P4HA3: variants seen among roughly 807,000 people sequenced by gnomAD.
P4HA3 encodes the protein prolyl 4-hydroxylase subunit alpha-3.
Under a neutral mutation model 66.7 loss-of-function variants are expected in P4HA3, and 60 were observed. The ratio of observed to expected loss-of-function variants is 0.90; its 90% CI spans 0.73 to 1.12. The LOEUF is 1.12. Ranked by LOEUF, P4HA3 falls within the 50% of genes most tolerant of loss-of-function variation. The pLI is 0.00. For missense variants in P4HA3, 683 were observed against 685.8 expected (o/e 1.00, Z 0.05); for synonymous variants, 263 against 274.6 (o/e 0.96, Z 0.42).
intron 15 of P4HA3, among the ~76,000 whole-genome samples, chr11:74,252,235 TTTTG>T (rs1259947320): frequency 7.0e-6 from 1 of 143,146 alleles, no homozygotes; most frequent in Non-Finnish European, 1.5e-5. Flanking sequence ...ACCCGGCTAA[TTTTG>T]TTTTTTTTTT....
chr11:74,253,409 G>A, intron 15 of P4HA3: 1 of 1,420,618 alleles, frequency 7.0e-7, no homozygotes, highest in Non-Finnish European at 9.9e-7. Flanking sequence ...TCATTAGGGA[G>A]GGCTTCCTGG....
intron 1 of P4HA3, among the ~76,000 whole-genome samples, chr11:74,307,578 A>G (rs1218093490): frequency 6.6e-6 from 1 of 152,180 alleles, no homozygotes; most frequent in African/African-American, 2.4e-5. Flanking sequence ...TTAGAATCCA[A>G]AAGTTGGCCC....
At chr11:74,291,721 G>C (rs1477335629) in intron 4 of P4HA3, among the ~76,000 whole-genome samples, 1 of 152,128 alleles carries the variant, frequency 6.6e-6, no homozygotes, top group Non-Finnish European at 1.5e-5. Flanking sequence ...TTTTGTCTTT[G>C]GTTCTTTTTA....
intron 7 of P4HA3, among the ~76,000 whole-genome samples, chr11:74,284,888 C>G (rs1374345233): frequency 6.6e-6 from 1 of 152,174 alleles, no homozygotes; most frequent in Non-Finnish European, 1.5e-5. Context: ...TCACTCAACA[C>G]TTCTCGCCAC....
intron 10 of P4HA3, 71 bp from the exon 11 acceptor site, chr11:74,269,791 A>C: frequency 2.1e-6 from 3 of 1,399,678 alleles, no homozygotes; most frequent in Non-Finnish European, 3.0e-6. Flanking sequence ...ATGATGTCAC[A>C]TCTGCATAGA....
At chr11:74,282,089 G>C (rs542368924) in intron 7 of P4HA3, among the ~76,000 whole-genome samples, 1 of 148,896 alleles carries the variant, frequency 6.7e-6, no homozygotes, top group Non-Finnish European at 1.5e-5. Context: ...TCATAGAAGA[G>C]AGATGCTCCC....
intron 4 of P4HA3, among the ~76,000 whole-genome samples, chr11:74,293,805 C>T (rs1308809537): frequency 6.6e-6 from 1 of 152,202 alleles, no homozygotes; most frequent in African/African-American, 2.4e-5. Context: ...AGAGTTTCTG[C>T]TGAGAGATCA....
At chr11:74,282,402 T>C (rs568311810) in intron 7 of P4HA3, among the ~76,000 whole-genome samples, 62 of 152,168 alleles carry the variant, frequency 4.1e-4, no homozygotes, top group Non-Finnish European at 7.8e-4. Flanking sequence ...GAGGGACACA[T>C]AGCCCATTCT....
intron 11 of P4HA3, among the ~76,000 whole-genome samples, chr11:74,268,983 C>T (rs767717541): frequency 6.6e-6 from 1 of 152,212 alleles, no homozygotes; most frequent in South Asian, 2.1e-4. Context: ...AGGCGTCAAG[C>T]TCCTGAGTAT....
At chr11:74,304,193 C>A in intron 2 of P4HA3, 77 bp downstream of exon 2, 1 of 1,549,156 alleles carries the variant, frequency 6.5e-7, no homozygotes, top group South Asian at 1.2e-5. Flanking sequence ...AATCACATCC[C>A]AACAGAATCT....
Position 74,251,489 on chromosome 11 carries a change from C to T in P4HA3, c.*1319-3488G>A. 3.5e-6 allele frequency: 5 copies of T among 1,443,718 alleles called. No homozygotes were observed. The South Asian group carries it at 6.0e-5, about 17-fold the overall frequency. The allele number at this position is 1,443,718 out of a possible 1,614,324, so 89.4% of individuals were successfully genotyped here. On this transcript the variant is annotated intron_variant and NMD_transcript_variant, in intron 15 of 15. Coordinates refer to the P4HA3 transcript ENST00000524388. ...GATAGTGGGGAGGAGTCTTCTAGCT[C>T]TGCTAGGGAGGGCCTAGGTCCTTTT...
At chr11:74,258,086 T>A (rs1334098177) in intron 15 of P4HA3, among the ~76,000 whole-genome samples, 2 of 152,184 alleles carry the variant, frequency 1.3e-5, no homozygotes, top group Non-Finnish European at 2.9e-5. Flanking sequence ...GTTTGCAATC[T>A]TGGAGCCAAC....
chr11:74,253,627 C>T lies in P4HA3; in HGVS notation c.*1319-5626G>A, dbSNP rs900962435. On this transcript the variant is annotated intron_variant and NMD_transcript_variant, in intron 15 of 15. Coordinates refer to the P4HA3 transcript ENST00000524388. ...CGCCCAGCCATGTGACACTGGCTCC[C>T]GGTAGACGGGCACCCCGAGATGTAC... 3.1e-5 allele frequency: 36 copies of T among 1,175,430 alleles called. No individual in the cohort carries two copies. In the Middle Eastern group the frequency reaches 5.8e-4, roughly 19 times the overall value. 72.8% of individuals were successfully genotyped at this position (1,175,430 alleles called of 1,614,324 possible).
At chr11:74,289,794 C>A (rs1401018309) in intron 4 of P4HA3, among the ~76,000 whole-genome samples, 1 of 152,088 alleles carries the variant, frequency 6.6e-6, no homozygotes, top group Non-Finnish European at 1.5e-5. Flanking sequence ...TTTATGGCTG[C>A]ATAGTATTCC....
intron 4 of P4HA3, among the ~76,000 whole-genome samples, chr11:74,290,646 T>G (rs527436979): frequency 3.3e-5 from 5 of 152,224 alleles, no homozygotes; most frequent in Admixed American, 6.5e-5. Context: ...GGGATCCAGT[T>G]TCAGCTTTCT....
intron 4 of P4HA3, among the ~76,000 whole-genome samples, chr11:74,295,316 A>G (rs1464728510): frequency 6.6e-6 from 1 of 152,334 alleles, no homozygotes; most frequent in African/African-American, 2.4e-5. Flanking sequence ...CCCTGCAGCC[A>G]TTCAACCTTG....
intron 5 of P4HA3, among the ~76,000 whole-genome samples, chr11:74,288,471 C>T (rs1161364664): frequency 6.6e-6 from 1 of 152,120 alleles, no homozygotes; most frequent in Non-Finnish European, 1.5e-5. Context: ...AAACTGGCTC[C>T]CACTCCTGGA....
rs1859654535 is a variant in P4HA3, at chr11:74,251,338, A to G, written c.*1319-3337T>C. 9 of 1,355,864 alleles carry G rather than the reference A, an allele frequency of 6.6e-6. No individual in the cohort carries two copies. The Admixed American group carries it at 2.9e-4, about 43-fold the overall frequency. The allele number at this position is 1,355,864 out of a possible 1,614,324, so 84.0% of individuals were successfully genotyped here. The stretch of plus-strand genomic sequence containing the variant: ...GATTAGGGTAGAAACTGCTCCCTAA[A>G]CCACAGGCACAGTTAGGAATTAATA... On this transcript the variant is annotated intron_variant and NMD_transcript_variant, in intron 15 of 15. Coordinates refer to the P4HA3 transcript ENST00000524388.
At chr11:74,259,212 C>G (rs1027020296) in intron 15 of P4HA3, among the ~76,000 whole-genome samples, 1 of 152,144 alleles carries the variant, frequency 6.6e-6, no homozygotes, top group Non-Finnish European at 1.5e-5. Context: ...AACCCCGTCT[C>G]TACTAAAAAT....
Sources: gnomAD v4.1 joint callset for allele counts (sites outside exome capture counted in the v4.1 genomes callset) on GRCh38, gnomAD v4.1.1 for gene constraint, MANE v1.5 for transcripts, NCBI Gene and HGNC (gene_info 2026-07-23, HGNC 2026-07-21) for gene names.